Variants in ABCC11 observed in about 807,000 individuals in gnomAD.
ABCC11 encodes ATP binding cassette subfamily C member 11, also known as ATP-binding cassette sub-family C member 11.
ABCC11 carries 135 observed loss-of-function variants against 149.3 expected under a neutral mutation model. That is an observed-to-expected ratio of 0.90 (90% CI 0.79 to 1.04). The LOEUF (loss-of-function observed/expected upper bound fraction) is 1.04. ABCC11 is among the 50% of genes least tolerant of loss of function. The pLI, the probability that ABCC11 is intolerant of heterozygous loss-of-function variation, is 0.00. For missense variants in ABCC11, 1,680 were observed against 1,722.1 expected (o/e 0.98, Z 0.43); for synonymous variants, 665 against 671.4 (o/e 0.99, Z 0.15).
Position 48,215,192 on chromosome 16 carries a change from C to T in ABCC11, c.1099+5G>A, listed in dbSNP as rs760676502. On this transcript the variant is annotated splice_donor_5th_base_variant and intron_variant, in intron 8 of 29. Transcript: ENST00000356608. ...GTTTGGAGCAGAAAGTCAGACTTTCCATACCTTCAATGATTTTTGCAAATG... is the reference window on the plus strand; with the variant it reads ...GTTTGGAGCAGAAAGTCAGACTTTCTATACCTTCAATGATTTTTGCAAATG... The T allele has an allele frequency of 1.9e-6, 3 of 1,606,292 alleles. No homozygotes were observed. The highest frequency in any genetic ancestry group is 1.7e-6 in the Non-Finnish European group (2 of 1,173,580).
Position 48,187,630 on chromosome 16 carries a change from A to G in ABCC11, c.2707-203T>C, listed in dbSNP as rs1255472841. 3.9e-5 allele frequency among the ~76,000 whole-genome samples: 6 copies of G among 152,178 alleles called. No individual in the cohort carries two copies. In the South Asian group the frequency reaches 1.2e-3, roughly 32 times the overall value. On this transcript the variant is annotated intron_variant, in intron 20 of 29. Coordinates refer to ENST00000356608, the MANE Select transcript of ABCC11 (RefSeq NM_001370497.1). ...CACCTACTGCTGTCTGACCTCGGGC[A>G]AGTACTGAGTTCCTCTGAGTCTCAA...
At position 48,214,865 on chromosome 16, in the gene ABCC11, C is replaced by A; in HGVS notation, c.1248+16G>T. 1 of 1,612,056 alleles carries A rather than the reference C, an allele frequency of 6.2e-7. No homozygotes were observed. Among genetic ancestry groups the A allele is most frequent in the Non-Finnish European group, 8.5e-7 (1 of 1,179,316 alleles). Reference sequence around the variant, plus strand: ...CAATCATGATGGGGAGAAAACAAAGCCCCCCAAACCCTTACCATTGACGCT... The same window carrying A: ...CAATCATGATGGGGAGAAAACAAAGACCCCCAAACCCTTACCATTGACGCT... On this transcript the variant is annotated intron_variant, in intron 9 of 29. Coordinates refer to ENST00000356608, the MANE Select transcript of ABCC11 (RefSeq NM_001370497.1).
chr16:48,196,932 C>T (rs984592577), intron 17 of ABCC11, among the ~76,000 whole-genome samples: 2 of 151,976 alleles, frequency 1.3e-5, no homozygotes, highest in Non-Finnish European at 2.9e-5. Flanking sequence ...ATAACGACAC[C>T]CCAGTATTTC....
In ABCC11 at chr16:48,170,888, C is replaced by T. The variant is rs140475834; in HGVS notation, c.3777+1G>A. On this transcript the variant is annotated splice_donor_variant, in intron 27 of 29. Coordinates refer to ENST00000356608, the MANE Select transcript of ABCC11 (RefSeq NM_001370497.1). LOFTEE classifies it high-confidence loss of function. ...AAGACTTGGGCCTTGGAGCTACTTACGGCCTTGGTCAGGAATGTCCTCTCC... is the reference window on the plus strand; with the variant it reads ...AAGACTTGGGCCTTGGAGCTACTTATGGCCTTGGTCAGGAATGTCCTCTCC... 88 of 1,612,410 alleles carry T rather than the reference C, an allele frequency of 5.5e-5. No individual in the cohort carries two copies. The highest frequency in any genetic ancestry group is 6.7e-5 in the African/African-American group (5 of 75,018).
chr16:48,194,033 A>T, intron 18 of ABCC11, 51 bp from the exon 19 acceptor site: 2 of 1,366,238 alleles, frequency 1.5e-6, no homozygotes, highest in Non-Finnish European at 2.1e-6. Flanking sequence ...GGTGCGAGGC[A>T]ACTGCTGACT....
At chr16:48,206,490 C>A (rs907059457) in intron 12 of ABCC11, among the ~76,000 whole-genome samples, 3 of 152,178 alleles carry the variant, frequency 2.0e-5, no homozygotes, top group African/African-American at 7.2e-5. Flanking sequence ...CACTCATCCC[C>A]AGCACCCTGA....
chr16:48,175,312 C>T lies in ABCC11; in HGVS notation c.3644G>A (p.Arg1215Gln), dbSNP rs572621805. The T allele has an allele frequency of 7.0e-5, 113 of 1,613,974 alleles. No homozygotes were observed. Among genetic ancestry groups the T allele is most frequent in the Middle Eastern group, 4.9e-4 (3 of 6,082 alleles). ...TTGAGGGATCACTGAGAGCTTGGAC[C>T]GCAAGTCCTCCAGGCCGATGCTGCA... Reference protein sequence around the residue: ...DICSIGLEDLRSKLSVIPQDP... With the variant: ...DICSIGLEDLQSKLSVIPQDP... The change falls in exon 26 of 30, where the codon CGG (arginine) becomes CAG (glutamine). Residue 1215 changes from arginine to glutamine, a missense_variant. Arg to Gln is a conservative substitution (Grantham distance 43, BLOSUM62 1). Coordinates refer to ENST00000356608, the MANE Select transcript of ABCC11 (RefSeq NM_001370497.1).
At position 48,227,960 on chromosome 16, in the gene ABCC11, G is replaced by A. The variant is rs1416604167; in HGVS notation, c.241C>T (p.Pro81Ser). The A allele has an allele frequency of 1.9e-6, 3 of 1,611,404 alleles. No homozygotes were observed. The highest frequency in any genetic ancestry group is 2.5e-6 in the Non-Finnish European group (3 of 1,178,598). The change falls in exon 4 of 30, where the codon CCT (proline) becomes TCT (serine). Residue 81 changes from proline to serine, a missense_variant. Physicochemically the swap from Pro to Ser is moderately conservative, Grantham distance 74 (BLOSUM62 -1). Transcript: ENST00000356608. ...GCATTGTCCAGGGGCTGGGGGGCAG[G>A]AAACCTAGTAGAGGGGCCACAAGGA... ...MIPFRPKPRFPAPQPLDNAGL... is the reference protein window; with the variant it reads ...MIPFRPKPRFSAPQPLDNAGL...
intron 12 of ABCC11, among the ~76,000 whole-genome samples, chr16:48,205,988 T>A (rs2150840683): frequency 6.6e-6 from 1 of 152,228 alleles, no homozygotes; most frequent in South Asian, 2.1e-4. Flanking sequence ...TTTTTTGTAT[T>A]TTTAGTAGAG....
At position 48,227,873 on chromosome 16, in the gene ABCC11, T is replaced by C. The variant is rs1970176011; in HGVS notation, c.328A>G (p.Ser110Gly). Residue 110 changes from serine to glycine, a missense_variant, in exon 4 of 30, where the codon AGT (serine) becomes GGT (glycine). Physicochemically the swap from Ser to Gly is moderately conservative, Grantham distance 56. Transcript: ENST00000356608. Reference protein sequence around the residue: ...LTPLMIQSLRSRLDENTIPPL... With the variant: ...LTPLMIQSLRGRLDENTIPPL... ...GGGATGGTGTTCTCATCTAAGCGACTCCGTAAGCTTTGGATCATGAGCGGG... is the reference window on the plus strand; with the variant it reads ...GGGATGGTGTTCTCATCTAAGCGACCCCGTAAGCTTTGGATCATGAGCGGG... 6.2e-7 allele frequency: 1 copy of C among 1,613,942 alleles called. No individual in the cohort carries two copies.
At chr16:48,217,568 C>A (rs1374948622) in intron 6 of ABCC11, among the ~76,000 whole-genome samples, 2 of 152,164 alleles carry the variant, frequency 1.3e-5, no homozygotes, top group Admixed American at 6.5e-5. Flanking sequence ...TGCACTTCAG[C>A]CTGAGCAAGA....
At chr16:48,193,729 G>T (rs1012934422) in intron 19 of ABCC11, 150 bp downstream of exon 19, 3 of 610,776 alleles carry the variant, frequency 4.9e-6, no homozygotes, top group Admixed American at 3.0e-5. Context: ...CAGAGTCCTG[G>T]CTCCCCACGG....
chr16:48,177,526 C>A (rs188669910), intron 24 of ABCC11, among the ~76,000 whole-genome samples: 1 of 152,192 alleles, frequency 6.6e-6, no homozygotes, highest in Non-Finnish European at 1.5e-5. Context: ...AGGCATTTCC[C>A]AGGTGAGGAG....
At chr16:48,210,870 G>A (rs1968859565) in intron 11 of ABCC11, 78 bp downstream of exon 11, 4 of 1,541,698 alleles carry the variant, frequency 2.6e-6, no homozygotes, top group Non-Finnish European at 3.5e-6. Flanking sequence ...GGAAATGGTG[G>A]GGCACCTGGC....
intron 18 of ABCC11, 64 bp from the exon 19 acceptor site, chr16:48,194,046 G>T: frequency 8.2e-7 from 1 of 1,214,094 alleles, no homozygotes; most frequent in Non-Finnish European, 1.2e-6. Context: ...TGCTGACTCA[G>T]CTGCTCGGCC....
At chr16:48,215,670 C>T (rs990919314) in intron 7 of ABCC11, among the ~76,000 whole-genome samples, 1 of 152,232 alleles carries the variant, frequency 6.6e-6, no homozygotes, top group Non-Finnish European at 1.5e-5. Flanking sequence ...TAATTCAGAG[C>T]ACACATAATC....
chr16:48,190,906 C>G (rs915152022), intron 20 of ABCC11, among the ~76,000 whole-genome samples: 2 of 152,160 alleles, frequency 1.3e-5, no homozygotes, highest in Non-Finnish European at 2.9e-5. Context: ...TTTCATCACT[C>G]CCTTCTCACC....
chr16:48,171,590 C>G (rs1168598934), intron 26 of ABCC11, among the ~76,000 whole-genome samples: 1 of 152,200 alleles, frequency 6.6e-6, no homozygotes, highest in Non-Finnish European at 1.5e-5. Context: ...TCATTTTAAC[C>G]ACTTAAAAGT....
intron 20 of ABCC11, 21 bp downstream of exon 20, chr16:48,192,499 A>C: frequency 1.9e-6 from 3 of 1,613,536 alleles, no homozygotes; most frequent in Non-Finnish European, 2.5e-6. Context: ...CTTCGGCCCC[A>C]CCCAGCACCC....
Sources: allele counts gnomAD v4.1 joint callset (sites outside exome capture counted in the v4.1 genomes callset), GRCh38; gene constraint gnomAD v4.1.1; transcripts MANE v1.5; gene names NCBI Gene and HGNC (gene_info 2026-07-23, HGNC 2026-07-21).